Variants in ECHDC3 observed in about 807,000 individuals in gnomAD.
The protein encoded by ECHDC3 is enoyl-CoA hydratase domain-containing protein 3, mitochondrial.
Under a neutral mutation model 17.9 loss-of-function variants are expected in ECHDC3, and 20 were observed. The observed-to-expected ratio is 1.12, with a 90% CI of 0.79 to 1.63. The LOEUF (loss-of-function observed/expected upper bound fraction) is 1.63, where lower values mean the gene tolerates loss of function less well. Among genes scored for constraint, ECHDC3 ranks in the 40% most tolerant of loss-of-function variants. The pLI is 0.00. For missense variants in ECHDC3, 407 were observed against 357.7 expected, an observed-to-expected ratio of 1.14 and a Z score of -1.11; for synonymous variants, 177 against 149.7, an observed-to-expected ratio of 1.18 and a Z score of -1.33.
intron 1 of ECHDC3, among the ~76,000 whole-genome samples, chr10:11,746,323 C>A (rs1832758903): frequency 1.1e-4 from 4 of 34,878 alleles, no homozygotes; most frequent in Admixed American, 5.4e-4. Context: ...AGTGAAACTC[C>A]ATCTCAAAAA....
In ECHDC3 at chr10:11,742,718, A is replaced by G; in HGVS notation, c.142A>G (p.Thr48Ala). ...AGRRESEPRP[T>A]SARQLDGIRN... is the part of the protein sequence containing the mutation. Reference sequence around the variant, plus strand: ...GCGGCGGGAGTCGGAGCCGCGGCCCACCAGCGCGCGGCAGCTGGACGGCAT... The same window carrying G: ...GCGGCGGGAGTCGGAGCCGCGGCCCGCCAGCGCGCGGCAGCTGGACGGCAT... The change falls in exon 1 of 5, where the codon ACC (threonine) becomes GCC (alanine). Residue 48 changes from threonine (T) to alanine (A), a missense_variant. Physicochemically the swap from Thr to Ala is moderately conservative, Grantham distance 58 (BLOSUM62 0). Coordinates refer to ENST00000379215, the MANE Select transcript of ECHDC3 (RefSeq NM_024693.5). 2.4e-6 allele frequency: 3 copies of G among 1,235,192 alleles called. No homozygotes were observed. In the East Asian group the frequency reaches 9.7e-5, roughly 40 times the overall value. The allele number at this position is 1,235,192 out of a possible 1,614,324, so 76.5% of individuals were successfully genotyped here. A position where few individuals can be genotyped will look rare whatever the true frequency, so the allele number is the denominator to read the frequency against.
chr10:11,745,435 C>T (rs1241206553), intron 1 of ECHDC3, among the ~76,000 whole-genome samples: 1 of 152,140 alleles, frequency 6.6e-6, no homozygotes, highest in Non-Finnish European at 1.5e-5. Context: ...ACCACCCCCA[C>T]CAAATATAAG....
Position 11,742,723 on chromosome 10 carries a change from C to T in ECHDC3, c.147C>T (p.Ser49=). Residue 49 remains serine (S), a synonymous_variant, in exon 1 of 5, where the codon AGC becomes AGT. Transcript: ENST00000379215. ...GGGAGTCGGAGCCGCGGCCCACCAG[C>T]GCGCGGCAGCTGGACGGCATAAGGT... is the stretch of plus-strand genomic sequence containing the variant. ...GRRESEPRPT[S]ARQLDGIRNI... is the part of the protein sequence containing the mutation. 8.1e-7 allele frequency: 1 copy of T among 1,234,628 alleles called. No individual in the cohort carries two copies. The highest frequency in any genetic ancestry group is 1.0e-6 in the Non-Finnish European group (1 of 989,554). 76.5% of individuals were successfully genotyped at this position (1,234,628 alleles called of 1,614,324 possible).
chr10:11,748,636 A>G lies in ECHDC3; in HGVS notation c.293-859A>G, dbSNP rs181677408. ...CATGGTTGCTCATGTCTGTAATCCC[A>G]ATACTTTGGGAGGCCAAGGCGGGCA... On this transcript the variant is annotated intron_variant, in intron 2 of 4. Coordinates refer to ENST00000379215, the MANE Select transcript of ECHDC3 (RefSeq NM_024693.5). Among the ~76,000 whole-genome samples, 8 of 152,212 alleles carry G rather than the reference A, an allele frequency of 5.3e-5. No individual in the cohort carries two copies. In the East Asian group the frequency reaches 1.5e-3, roughly 29 times the overall value.
intron 1 of ECHDC3, chr10:11,743,027 C>T (rs968277114): frequency 1.4e-4 from 44 of 309,854 alleles, no homozygotes; most frequent in Non-Finnish European, 2.4e-4. Flanking sequence ...GGGCTCTGGG[C>T]CCCAGACCCG....
intron 3 of ECHDC3, 83 bp from the exon 4 acceptor site, chr10:11,755,323 CAA>C (rs35696123): frequency 0.32 from 247,195 of 776,916 alleles, 6,233 homozygotes; most frequent in Non-Finnish European, 0.33. Flanking sequence ...GAGACTCTGT[CAA>C]AAAAAAAAAA....
In ECHDC3 at chr10:11,763,593, T is replaced by C. The variant is rs201611251; in HGVS notation, c.*49T>C. 2.1e-6 allele frequency: 3 copies of C among 1,450,358 alleles called. No individual in the cohort carries two copies. The Admixed American group carries it at 7.7e-5, about 37-fold the overall frequency. 89.8% of individuals were successfully genotyped at this position (1,450,358 alleles called of 1,614,324 possible). On this transcript the variant is annotated 3_prime_UTR_variant, in exon 5 of 5. Coordinates refer to ENST00000379215, the MANE Select transcript of ECHDC3 (RefSeq NM_024693.5). The surrounding 1 kb of genome is among the most constrained non-coding windows in gnomAD (Gnocchi z 4.9). The stretch of plus-strand genomic sequence containing the variant: ...ACGGGCAGCGCCCAGGAGCCCACCT[T>C]CCCCTCTGGCCCAGCCACCACTGCC...
At chr10:11,757,011 A>C (rs1201604840) in intron 4 of ECHDC3, among the ~76,000 whole-genome samples, 1 of 152,378 alleles carries the variant, frequency 6.6e-6, no homozygotes, top group African/African-American at 2.4e-5. Context: ...CTGGGATTAC[A>C]GGCGTGAGCC....
At chr10:11,762,991 C>G (rs1821913428) in intron 4 of ECHDC3, among the ~76,000 whole-genome samples, 1 of 152,150 alleles carries the variant, frequency 6.6e-6, no homozygotes, top group Admixed American at 6.5e-5. Flanking sequence ...GTGACCAGAT[C>G]TTTGCAGGAG....
At chr10:11,761,121 C>A (rs1308150123) in intron 4 of ECHDC3, among the ~76,000 whole-genome samples, 1 of 152,342 alleles carries the variant, frequency 6.6e-6, no homozygotes, top group African/African-American at 2.4e-5. Flanking sequence ...GCAGGAGGGG[C>A]CTTGGGCCAG....
intron 2 of ECHDC3, among the ~76,000 whole-genome samples, chr10:11,748,369 G>A (rs1197419166): frequency 6.6e-6 from 1 of 152,014 alleles, no homozygotes; most frequent in Non-Finnish European, 1.5e-5. Context: ...TGGGACTATA[G>A]GTGTGTGCCA....
intron 4 of ECHDC3, among the ~76,000 whole-genome samples, chr10:11,760,154 C>T (rs1832931381): frequency 6.6e-6 from 1 of 152,224 alleles, no homozygotes; most frequent in Admixed American, 6.5e-5. Flanking sequence ...ACAGTGTGCC[C>T]TGCTGTCATT....
At chr10:11,756,189 C>T (rs2133793111) in intron 4 of ECHDC3, among the ~76,000 whole-genome samples, 1 of 152,338 alleles carries the variant, frequency 6.6e-6, no homozygotes, top group East Asian at 1.9e-4. Context: ...CAAGAAGGAG[C>T]CGTGTTGCAA....
chr10:11,750,381 A>C (rs1365049017), intron 3 of ECHDC3, among the ~76,000 whole-genome samples: 1 of 152,242 alleles, frequency 6.6e-6, no homozygotes. Context: ...ATTATTTTTG[A>C]ATGCTTCTTT....
At position 11,742,644 on chromosome 10, in the gene ECHDC3, G is replaced by A; in HGVS notation, c.68G>A (p.Trp23Ter). The change falls in exon 1 of 5, where the codon TGG (tryptophan) becomes TAG (stop). Residue 23 changes from tryptophan (W) to a stop codon, truncating the protein, a stop_gained. Coordinates refer to ENST00000379215, the MANE Select transcript of ECHDC3 (RefSeq NM_024693.5). LOFTEE classifies it high-confidence loss of function. ...SGPMCLRRGP[W>*]AQLPARFCSR... ...CCCATGTGTCTCCGGCGCGGCCCCT[G>A]GGCCCAGCTCCCCGCCCGCTTCTGC... 7.9e-7 allele frequency: 1 copy of A among 1,261,846 alleles called. No homozygotes were observed. The highest frequency in any genetic ancestry group is 3.2e-5 in the East Asian group (1 of 31,384). 78.2% of individuals were successfully genotyped at this position (1,261,846 alleles called of 1,614,324 possible).
intron 4 of ECHDC3, among the ~76,000 whole-genome samples, chr10:11,756,084 C>T (rs943745923): frequency 1.3e-5 from 2 of 152,132 alleles, no homozygotes; most frequent in African/African-American, 2.4e-5. Flanking sequence ...TGTTCCAGAA[C>T]GGATTTAGAA....
chr10:11,742,837 G>A, intron 1 of ECHDC3, 91 bp downstream of exon 1: 1 of 1,206,860 alleles, frequency 8.3e-7, no homozygotes, highest in African/African-American at 1.6e-5. Context: ...GGGAACCGGA[G>A]CCCCGTTTAC....
In ECHDC3 at chr10:11,763,573, C is replaced by A; in HGVS notation, c.*29C>A. On this transcript the variant is annotated 3_prime_UTR_variant, in exon 5 of 5. Transcript: ENST00000379215. This position sits in a 1 kb window ranked among gnomAD's most constrained non-coding sequence, Gnocchi z 4.9. ...GAGGCAGAGGAGTGAGGCCCACGGG[C>A]AGCGCCCAGGAGCCCACCTTCCCCT... The A allele has an allele frequency of 6.8e-7, 1 of 1,470,210 alleles. No homozygotes were observed. Among genetic ancestry groups the A allele is most frequent in the Non-Finnish European group, 9.0e-7 (1 of 1,111,948 alleles). The allele number at this position is 1,470,210 out of a possible 1,614,324, so 91.1% of individuals were successfully genotyped here. A position where few individuals can be genotyped will look rare whatever the true frequency, so the allele number is the denominator to read the frequency against.
chr10:11,759,460 A>C (rs548819497), intron 4 of ECHDC3, among the ~76,000 whole-genome samples: 1 of 151,788 alleles, frequency 6.6e-6, no homozygotes, highest in South Asian at 2.1e-4. Context: ...TTTACGAACC[A>C]GGAGGCAGGT....
Sources: allele counts gnomAD v4.1 joint callset (sites outside exome capture counted in the v4.1 genomes callset), GRCh38; gene constraint gnomAD v4.1.1; non-coding constraint Gnocchi (gnomAD v3.1); transcripts MANE v1.5; gene names NCBI Gene and HGNC (gene_info 2026-07-23, HGNC 2026-07-21).